RBFOX1: variants seen among roughly 807,000 people sequenced by gnomAD.
The protein encoded by RBFOX1 is RNA binding fox-1 homolog 1.
Under a neutral mutation model 57.7 loss-of-function variants are expected in RBFOX1, and 8 were observed. The ratio of observed to expected loss-of-function variants is 0.14; its 90% CI spans 0.08 to 0.25. The LOEUF (loss-of-function observed/expected upper bound fraction) is 0.25, where lower values mean the gene tolerates loss of function less well. Ranked by LOEUF, RBFOX1 falls within the 10% of genes least tolerant of loss-of-function variation. The pLI is 1.00. For missense variants in RBFOX1, 611 were observed against 548.5 expected (o/e 1.11, Z -1.14); for synonymous variants, 326 against 222.4 (o/e 1.47, Z -4.15).
intron 4 of RBFOX1, among the ~76,000 whole-genome samples, chr16:7,185,103 C>T (rs900380892): frequency 1.3e-5 from 2 of 152,096 alleles, no homozygotes; most frequent in South Asian, 2.1e-4. Flanking sequence ...CTATTTAAAC[C>T]ACCTAACAGT....
intron 3 of RBFOX1, among the ~76,000 whole-genome samples, chr16:5,657,831 A>C (rs1567357475): frequency 6.9e-6 from 1 of 144,364 alleles, no homozygotes; most frequent in Non-Finnish European, 1.5e-5. Context: ...CTCCCAGTTC[A>C]AGCTCTTCTG....
At chr16:5,612,779 C>T (rs1005557402) in intron 3 of RBFOX1, among the ~76,000 whole-genome samples, 27 of 152,302 alleles carry the variant, frequency 1.8e-4, no homozygotes, top group East Asian at 9.7e-4. Flanking sequence ...GAGGCCAGGC[C>T]GTGGTGAGGA....
intron 3 of RBFOX1, among the ~76,000 whole-genome samples, chr16:5,814,201 C>A (rs2055537374): frequency 6.6e-6 from 1 of 152,282 alleles, no homozygotes; most frequent in African/African-American, 2.4e-5. Context: ...TGGTCTGCAT[C>A]CGTATGCCCT....
At chr16:7,689,811 A>G (rs570611827) in intron 14 of RBFOX1, among the ~76,000 whole-genome samples, 13 of 152,228 alleles carry the variant, frequency 8.5e-5, no homozygotes, top group Non-Finnish European at 1.6e-4. Context: ...AAATACCAAG[A>G]GTATGATATG....
chr16:6,944,397 G>GA (rs199499186), intron 3 of RBFOX1, among the ~76,000 whole-genome samples: 174 of 106,074 alleles, frequency 1.6e-3, no homozygotes, highest in Admixed American at 2.4e-3. Flanking sequence ...CCATCTCAGA[G>GA]AAAAAAAAAA....
chr16:6,412,319 C>T (rs1443690111), intron 2 of RBFOX1, among the ~76,000 whole-genome samples: 3 of 152,098 alleles, frequency 2.0e-5, no homozygotes, highest in Admixed American at 6.5e-5. Context: ...TGAACTCTTT[C>T]TGATAATATA....
chr16:6,977,994 G>A (rs1568189487), intron 3 of RBFOX1, among the ~76,000 whole-genome samples: 1 of 149,574 alleles, frequency 6.7e-6, no homozygotes, highest in South Asian at 2.1e-4. Flanking sequence ...GTCTTTGCAA[G>A]ACACTCAGCA....
chr16:7,282,247 A>G (rs1406215442), intron 4 of RBFOX1, among the ~76,000 whole-genome samples: 3 of 152,166 alleles, frequency 2.0e-5, no homozygotes, highest in South Asian at 2.1e-4. Flanking sequence ...TGCTCAGACT[A>G]ACAGTCAGAG....
At chr16:6,180,682 C>T (rs1041752072) in intron 1 of RBFOX1, among the ~76,000 whole-genome samples, 4 of 152,024 alleles carry the variant, frequency 2.6e-5, no homozygotes, top group African/African-American at 9.7e-5. Context: ...TCTCCTGCCT[C>T]AGCCTCCTGA....
Position 6,555,062 on chromosome 16 carries a change from G to T in RBFOX1, c.-63-99541G>T, listed in dbSNP as rs372104548. 7.7e-4 allele frequency among the ~76,000 whole-genome samples: 117 copies of T among 152,294 alleles called. 1 individual carries two copies. The highest frequency in any genetic ancestry group is 6.8e-3 in the Middle Eastern group (2 of 294). ...GGGAGAGGCCCAGAATATTATGCTA[G>T]AAAAATTCTTGCACATGGAAACACA... On this transcript the variant is annotated intron_variant, in intron 2 of 15. Coordinates refer to ENST00000550418, the MANE Select transcript of RBFOX1 (RefSeq NM_018723.4).
intron 1 of RBFOX1, among the ~76,000 whole-genome samples, chr16:6,300,868 T>C (rs536921807): frequency 1.3e-5 from 2 of 152,308 alleles, no homozygotes; most frequent in African/African-American, 4.8e-5. Flanking sequence ...TTCTATTAGC[T>C]ATTATTAATG....
chr16:5,480,536 A>C (rs943961225), intron 2 of RBFOX1, among the ~76,000 whole-genome samples: 3 of 152,306 alleles, frequency 2.0e-5, no homozygotes, highest in Non-Finnish European at 4.4e-5. Flanking sequence ...ATGGTATAGA[A>C]AGATGCACAA....
chr16:6,458,968 G>A (rs186269151), intron 2 of RBFOX1, among the ~76,000 whole-genome samples: 1 of 152,320 alleles, frequency 6.6e-6, no homozygotes, highest in East Asian at 1.9e-4. Flanking sequence ...ACACTTCCCA[G>A]TAAGCATTTC....
intron 3 of RBFOX1, among the ~76,000 whole-genome samples, chr16:6,674,900 T>C (rs1352585866): frequency 1.3e-5 from 2 of 151,758 alleles, no homozygotes; most frequent in East Asian, 3.9e-4. Flanking sequence ...TGTTTGGTGG[T>C]TTTTTTTGTT....
chr16:7,292,425 G>GGTATTATATATAATATATAATATGTAAT (rs1445781649), intron 4 of RBFOX1, among the ~76,000 whole-genome samples: 6 of 133,796 alleles, frequency 4.5e-5, no homozygotes, highest in Non-Finnish European at 7.8e-5. Context: ...ATATATATAA[G>GGTATTATATATAATATATAATATGTAAT]GTATTATATA....
chr16:7,425,566 AATGTTCCTTCT>A (rs1417852257), intron 4 of RBFOX1, among the ~76,000 whole-genome samples: 4 of 152,192 alleles, frequency 2.6e-5, no homozygotes, highest in Non-Finnish European at 5.9e-5. Context: ...CCAAGTGGCA[AATGTTCCTTCT>A]GAAATTACAT....
At chr16:7,207,560 C>T (rs749912245) in intron 4 of RBFOX1, among the ~76,000 whole-genome samples, 1 of 152,148 alleles carries the variant, frequency 6.6e-6, no homozygotes, top group Admixed American at 6.5e-5. Context: ...ATTGGATTAA[C>T]GACTGATCTT....
At chr16:5,403,349 CAA>C (rs767830099) in intron 1 of RBFOX1, among the ~76,000 whole-genome samples, 48 of 82,250 alleles carry the variant, frequency 5.8e-4, no homozygotes, top group African/African-American at 6.7e-4. Flanking sequence ...AACGCTGTCT[CAA>C]AAAAAAAAAA....
chr16:5,523,431 A>T (rs1314308726), intron 2 of RBFOX1, among the ~76,000 whole-genome samples: 1 of 151,824 alleles, frequency 6.6e-6, no homozygotes, highest in South Asian at 2.1e-4. Flanking sequence ...CCTGAACAAG[A>T]TGGTGAAACC....
Sources: allele counts gnomAD v4.1 joint callset (sites outside exome capture counted in the v4.1 genomes callset), GRCh38; gene constraint gnomAD v4.1.1; transcripts MANE v1.5; gene names NCBI Gene and HGNC (gene_info 2026-07-23, HGNC 2026-07-21).